The following ETV5 variants were observed in gnomAD, a reference collection of about 807,000 sequenced individuals.
ETV5 encodes ETS variant transcription factor 5, also known as ETS translocation variant 5.
In ETV5, 10 loss-of-function variants were observed where a neutral mutation model predicts 70.0. That is an observed-to-expected ratio of 0.14 (90% CI 0.09 to 0.24). The LOEUF (loss-of-function observed/expected upper bound fraction) is 0.24, where lower values mean the gene tolerates loss of function less well. ETV5 is among the 10% of genes least tolerant of loss of function. The pLI, the probability that ETV5 is intolerant of heterozygous loss-of-function variation, is 1.00. For synonymous variants in ETV5, 216 were observed against 242.2 expected, an observed-to-expected ratio of 0.89 and a Z score of 1.01; for missense variants, 453 against 651.2, an observed-to-expected ratio of 0.70 and a Z score of 3.31.
At chr3:186,062,781 A>G (rs1056514020) in intron 9 of ETV5, among the ~76,000 whole-genome samples, 3 of 152,228 alleles carry the variant, frequency 2.0e-5, no homozygotes, top group Non-Finnish European at 4.4e-5. Flanking sequence ...AGACTATAAA[A>G]CAATGAGTCC....
chr3:186,094,328 A>G lies in ETV5; in HGVS notation c.232+10977T>C, dbSNP rs369204064. ...GGTAAGAACGATTATCTATCACTGAATAGCTGCATCTTATTCTCGGGACAA... is the reference window on the plus strand; with the variant it reads ...GGTAAGAACGATTATCTATCACTGAGTAGCTGCATCTTATTCTCGGGACAA... On this transcript the variant is annotated intron_variant, in intron 5 of 12. Coordinates refer to ENST00000306376, the MANE Select transcript of ETV5 (RefSeq NM_004454.3). Among the ~76,000 whole-genome samples, 10 of 152,324 alleles carry G rather than the reference A, an allele frequency of 6.6e-5. No individual in the cohort carries two copies. In the South Asian group the frequency reaches 2.1e-3, roughly 32 times the overall value.
chr3:186,063,972 A>C (rs138749363), intron 9 of ETV5, among the ~76,000 whole-genome samples: 1 of 152,342 alleles, frequency 6.6e-6, no homozygotes, highest in Non-Finnish European at 1.5e-5. Flanking sequence ...TCACTGACAT[A>C]ACTGTAAAAC....
chr3:186,050,997 ATAC>A (rs1299554900), intron 12 of ETV5, among the ~76,000 whole-genome samples: 2 of 152,332 alleles, frequency 1.3e-5, no homozygotes, highest in South Asian at 2.1e-4. Context: ...TGGCAAACAA[ATAC>A]TACATTACAT....
intron 11 of ETV5, among the ~76,000 whole-genome samples, chr3:186,056,484 G>C (rs577711849): frequency 5.3e-5 from 8 of 151,944 alleles, no homozygotes; most frequent in Non-Finnish European, 1.0e-4. Context: ...CTGGGGTCAA[G>C]CAATACACCT....
At chr3:186,074,388 C>T (rs1713720317) in intron 7 of ETV5, among the ~76,000 whole-genome samples, 1 of 152,122 alleles carries the variant, frequency 6.6e-6, no homozygotes, top group African/African-American at 2.4e-5. Context: ...GTAAATTCTT[C>T]AAAAAGTTCA....
At chr3:186,080,180 C>T in intron 6 of ETV5, 76 bp from the exon 7 acceptor site, 1 of 1,272,158 alleles carries the variant, frequency 7.9e-7, no homozygotes, top group Non-Finnish European at 1.0e-6. Context: ...CAGCAGAAAG[C>T]TAGTTTGCAG....
intron 1 of ETV5, chr3:186,106,947 C>T: frequency 3.0e-6 from 3 of 985,028 alleles, no homozygotes; most frequent in Non-Finnish European, 3.6e-6. Flanking sequence ...TTCACTCACT[C>T]CAGCTCTAAG....
In ETV5 at chr3:186,105,514, G is replaced by A. The variant is rs762907560; in HGVS notation, c.134-18C>T. On this transcript the variant is annotated intron_variant, in intron 3 of 12. Transcript: ENST00000306376. The surrounding 1 kb of genome is among the most constrained non-coding windows in gnomAD (Gnocchi z 4.5). ...AAATAGCTCTGAAATTGAAAAAGAA[G>A]ACCCCAGAATGAGGATATTTCTTTC... 6.2e-7 allele frequency: 1 copy of A among 1,613,884 alleles called. No individual in the cohort carries two copies. The highest frequency in any genetic ancestry group is 1.3e-5 in the African/African-American group (1 of 74,912).
intron 5 of ETV5, chr3:186,095,133 T>C (rs1465571176): frequency 6.6e-6 from 1 of 152,166 alleles, no homozygotes; most frequent in Non-Finnish European, 1.5e-5. Flanking sequence ...GATAGACAAC[T>C]ATTGGTTTTA....
chr3:186,084,118 G>C, intron 5 of ETV5: 2 of 406,410 alleles, frequency 4.9e-6, no homozygotes, highest in South Asian at 3.6e-5. Flanking sequence ...CTTGCAGATG[G>C]TGCTATGATG....
At chr3:186,079,057 G>C (rs1713867090) in intron 7 of ETV5, 1 of 1,064,896 alleles carries the variant, frequency 9.4e-7, no homozygotes, top group African/African-American at 1.6e-5. Context: ...GCATCCTTTG[G>C]TAATATTGTT....
At chr3:186,107,207 A>G (rs1208060674) in intron 1 of ETV5, among the ~76,000 whole-genome samples, 1 of 152,232 alleles carries the variant, frequency 6.6e-6, no homozygotes, top group Non-Finnish European at 1.5e-5. Flanking sequence ...CACACAGTTC[A>G]TAACTTCCTA....
At chr3:186,098,105 C>G (rs1412916540) in intron 5 of ETV5, among the ~76,000 whole-genome samples, 1 of 152,190 alleles carries the variant, frequency 6.6e-6, no homozygotes, top group Non-Finnish European at 1.5e-5. Context: ...CTGCTGTGCA[C>G]CCTTCCTAGG....
At chr3:186,087,826 C>G (rs570652374) in intron 5 of ETV5, among the ~76,000 whole-genome samples, 6 of 152,106 alleles carry the variant, frequency 3.9e-5, no homozygotes, top group Non-Finnish European at 7.4e-5. Flanking sequence ...AGCAACAGTT[C>G]CATTCAAAAG....
At chr3:186,050,203 G>T (rs920646518) in intron 12 of ETV5, among the ~76,000 whole-genome samples, 1 of 152,132 alleles carries the variant, frequency 6.6e-6, no homozygotes, top group South Asian at 2.1e-4. Flanking sequence ...GGGAGATTAG[G>T]TGACTTTCCT....
At chr3:186,080,349 C>T (rs1391910084) in intron 6 of ETV5, among the ~76,000 whole-genome samples, 2 of 144,674 alleles carry the variant, frequency 1.4e-5, no homozygotes, top group African/African-American at 5.0e-5. Context: ...CCTCTGCTTC[C>T]GGTTTCCTTT....
intron 11 of ETV5, among the ~76,000 whole-genome samples, chr3:186,055,281 G>T (rs903206475): frequency 6.6e-6 from 1 of 152,178 alleles, no homozygotes; most frequent in African/African-American, 2.4e-5. Flanking sequence ...CCACATGACA[G>T]AACTACTTTC....
chr3:186,100,628 T>C (rs1007350452), intron 5 of ETV5, among the ~76,000 whole-genome samples: 2 of 152,238 alleles, frequency 1.3e-5, no homozygotes, highest in Admixed American at 6.5e-5. Context: ...GTCGATTTTA[T>C]CAGTTAATTA....
chr3:186,109,063 C>T lies in ETV5; in HGVS notation c.-198G>A, dbSNP rs1300951066. On this transcript the variant is annotated 5_prime_UTR_variant, in exon 1 of 13. Coordinates refer to ENST00000306376, the MANE Select transcript of ETV5 (RefSeq NM_004454.3). ...CCGAACCGCTCCGAAGACGGTGAAC[C>T]GCTCCGCGCACCAGCGGCTGGACTC... 1 of 152,268 alleles carries T rather than the reference C, an allele frequency of 6.6e-6. No individual in the cohort carries two copies. The highest frequency in any genetic ancestry group is 2.4e-5 in the African/African-American group (1 of 41,450). 9.4% of individuals were successfully genotyped at this position (152,268 alleles called of 1,614,324 possible).
Sources: allele counts gnomAD v4.1 joint callset (sites outside exome capture counted in the v4.1 genomes callset), GRCh38; gene constraint gnomAD v4.1.1; non-coding constraint Gnocchi (gnomAD v3.1); transcripts MANE v1.5; gene names NCBI Gene and HGNC (gene_info 2026-07-23, HGNC 2026-07-21).